Variants in PSEN1 observed in about 807,000 individuals in gnomAD.
PSEN1 encodes presenilin 1, also known as presenilin-1.
A neutral mutation model predicts 53.5 loss-of-function variants in PSEN1; 15 were observed. The observed-to-expected ratio is 0.28, with a 90% CI of 0.19 to 0.43. The LOEUF (loss-of-function observed/expected upper bound fraction) is 0.43. Ranked by LOEUF, PSEN1 falls within the 20% of genes least tolerant of loss-of-function variation. The probability of loss-of-function intolerance (pLI) is 1.00; values close to 1 mark genes in which losing one functional copy is unlikely to be tolerated. For synonymous variants in PSEN1, 208 were observed against 209.8 expected (o/e 0.99, Z 0.08); for missense variants, 387 against 571.2 (o/e 0.68, Z 3.29).
At chr14:73,192,948 G>C in intron 7 of PSEN1, 84 bp downstream of exon 7, 15 of 1,072,134 alleles carry the variant, frequency 1.4e-5, no homozygotes, top group Non-Finnish European at 1.9e-5. Flanking sequence ...TCTTGATTTA[G>C]AGAAAATGGT....
In PSEN1 at chr14:73,219,630, A is replaced by G. The variant is rs1900067909; in HGVS notation, c.*341A>G. 1 of 356,988 alleles carries G rather than the reference A, an allele frequency of 2.8e-6. No individual in the cohort carries two copies. Among genetic ancestry groups the G allele is most frequent in the African/African-American group, 2.1e-5 (1 of 47,600 alleles). The allele number at this position is 356,988 out of a possible 1,614,324, so 22.1% of individuals were successfully genotyped here. A position where few individuals can be genotyped will look rare whatever the true frequency, so the allele number is the denominator to read the frequency against. On this transcript the variant is annotated 3_prime_UTR_variant, in exon 12 of 12. Transcript: ENST00000324501. Reference sequence around the variant, plus strand: ...GTGGTCACAGGACGATTTCACTGACACTGCGAACTCTCAGGACTACCGTTA... The same window carrying G: ...GTGGTCACAGGACGATTTCACTGACGCTGCGAACTCTCAGGACTACCGTTA...
rs147690813 is a variant in PSEN1, at chr14:73,192,267, A to G, written c.549-377A>G. ...AACCTGGGCAACATGTTGAAACCCT[A>G]TCTGTACAAAAAAAATTAGAAAAAT... On this transcript the variant is annotated intron_variant, in intron 6 of 11. Transcript: ENST00000324501. Among the ~76,000 whole-genome samples, 478 of 152,032 alleles carry G rather than the reference A, an allele frequency of 3.1e-3. 2 individuals carry two copies. The highest frequency in any genetic ancestry group is 8.7e-3 in the African/African-American group (362 of 41,452).
intron 1 of PSEN1, among the ~76,000 whole-genome samples, chr14:73,140,360 G>A (rs1896890027): frequency 6.6e-6 from 1 of 151,772 alleles, no homozygotes; most frequent in African/African-American, 2.4e-5. Context: ...ACAGGCGTGT[G>A]CCACCACACT....
rs1900137204 is a variant in PSEN1 at position 73,222,520 on chromosome 14, T to C, written c.*3231T>C. On this transcript the variant is annotated 3_prime_UTR_variant, in exon 12 of 12. Transcript: ENST00000324501. ...CCTTTGATCCCAACCCCCAAGGCTT[T>C]GTATATTTGATCATTTGTGATCTAA... 6.6e-6 allele frequency: 1 copy of C among 152,206 alleles called. No individual in the cohort carries two copies. Among genetic ancestry groups the C allele is most frequent in the African/African-American group, 2.4e-5 (1 of 41,434 alleles). 9.4% of individuals were successfully genotyped at this position (152,206 alleles called of 1,614,324 possible).
intron 6 of PSEN1, among the ~76,000 whole-genome samples, chr14:73,191,824 A>C (rs2140091435): frequency 6.6e-6 from 1 of 152,320 alleles, no homozygotes; most frequent in African/African-American, 2.4e-5. Context: ...CTGGGATTAG[A>C]GTGTGAGCCA....
At chr14:73,160,171 T>C (rs773094162) in intron 3 of PSEN1, 1 of 165,418 alleles carries the variant, frequency 6.0e-6, no homozygotes, top group Non-Finnish European at 1.4e-5. Context: ...TCTCTTTTAG[T>C]GACTTGCTTA....
At chr14:73,159,052 T>TTTTAATGGA (rs1326121309) in intron 3 of PSEN1, among the ~76,000 whole-genome samples, 56 of 152,366 alleles carry the variant, frequency 3.7e-4, no homozygotes, top group African/African-American at 1.3e-3. Flanking sequence ...AAAAATTGCT[T>TTTTAATGGA]TCTTAATGGA....
intron 6 of PSEN1, among the ~76,000 whole-genome samples, chr14:73,192,142 AAAGTG>A (rs1389586155): frequency 6.6e-6 from 1 of 152,132 alleles, no homozygotes; most frequent in Non-Finnish European, 1.5e-5. Flanking sequence ...TTGAGGGAAA[AAAGTG>A]AATTAATTGG....
At chr14:73,147,759 A>G in intron 1 of PSEN1, 36 bp from the exon 2 acceptor site, 1 of 486,342 alleles carries the variant, frequency 2.1e-6, no homozygotes, top group South Asian at 2.1e-5. Flanking sequence ...CTAGGATTTA[A>G]CTAACAATGG....
intron 11 of PSEN1, among the ~76,000 whole-genome samples, chr14:73,218,724 GC>G (rs1040194942): frequency 8.1e-5 from 12 of 148,558 alleles, no homozygotes; most frequent in Non-Finnish European, 1.8e-4. Context: ...CATAGAGAAT[GC>G]CCCCGCACAG....
intron 5 of PSEN1, among the ~76,000 whole-genome samples, chr14:73,177,003 T>G (rs544807309): frequency 6.7e-6 from 1 of 150,188 alleles, no homozygotes; most frequent in Non-Finnish European, 1.5e-5. Flanking sequence ...CTGACCTTTT[T>G]GAACCTAATT....
chr14:73,192,570 C>T lies in PSEN1; in HGVS notation c.549-74C>T, dbSNP rs1566641879. ...ATATTAATATCTAATGTTTGGGAGC[C>T]ATCACATTATTCTAAATAATGTTTT... On this transcript the variant is annotated intron_variant, in intron 6 of 11. Transcript: ENST00000324501. 8 of 1,022,184 alleles carry T rather than the reference C, an allele frequency of 7.8e-6. No homozygotes were observed. The South Asian group carries it at 1.0e-4, about 13-fold the overall frequency. 63.3% of individuals were successfully genotyped at this position (1,022,184 alleles called of 1,614,324 possible).
chr14:73,219,262 A>AT lies in PSEN1; in HGVS notation c.1379dup (p.Leu460PhefsTer33), dbSNP rs1566657923. 1 of 1,613,770 alleles carries AT rather than the reference A, an allele frequency of 6.2e-7. No individual in the cohort carries two copies. On this transcript the variant is annotated frameshift_variant, in exon 12 of 12. Coordinates refer to ENST00000324501, the MANE Select transcript of PSEN1 (RefSeq NM_000021.4). LOFTEE classifies it high-confidence loss of function. ...ATCTTGTACAGCCTTTTATGGACCA[A>AT]TTAGCATTCCATCAATTTTATATCT...
intron 3 of PSEN1, among the ~76,000 whole-genome samples, chr14:73,163,678 A>G (rs1218292648): frequency 6.6e-6 from 1 of 152,186 alleles, no homozygotes; most frequent in Admixed American, 6.5e-5. Flanking sequence ...TTCTCTCTCT[A>G]CCAGGAGGGA....
At chr14:73,139,586 A>T (rs1296909523) in intron 1 of PSEN1, among the ~76,000 whole-genome samples, 1 of 152,190 alleles carries the variant, frequency 6.6e-6, no homozygotes, top group Non-Finnish European at 1.5e-5. Flanking sequence ...TAAGAAAAAA[A>T]GAAAAAAAAG....
chr14:73,140,202 C>CTTTTTT (rs35223948), intron 1 of PSEN1, among the ~76,000 whole-genome samples: 1 of 73,044 alleles, frequency 1.4e-5, no homozygotes, highest in Non-Finnish European at 2.5e-5. Flanking sequence ...TTTTGCTATT[C>CTTTTTT]TTTTTTTTTT....
Position 73,170,511 on chromosome 14 carries a change from C to G in PSEN1, c.88-286C>G, listed in dbSNP as rs147502524. On this transcript the variant is annotated intron_variant, in intron 3 of 11. Transcript: ENST00000324501. ...AGTAAACAAGTTTTCATGCAGGTGT[C>G]AGTATTTAAGGTACATCTCAAAGGA... Among the ~76,000 whole-genome samples the G allele has an allele frequency of 4.5e-3, 680 of 152,256 alleles. 3 individuals are homozygous for G. Among genetic ancestry groups the G allele is most frequent in the Middle Eastern group, 0.01 (3 of 294 alleles).
chr14:73,188,376 G>A lies in PSEN1; in HGVS notation c.548+1456G>A, dbSNP rs545131607. On this transcript the variant is annotated intron_variant, in intron 6 of 11. Transcript: ENST00000324501. ...GATTCCTTAATAAATAGACGGGGTC[G>A]GGTGTGGTGGCTCATGTTTATAATC... 5.4e-4 allele frequency among the ~76,000 whole-genome samples: 82 copies of A among 152,276 alleles called. 1 individual carries two copies. Among genetic ancestry groups the A allele is most frequent in the Admixed American group, 5.9e-4 (9 of 15,290 alleles).
At chr14:73,201,079 G>A (rs56008848) in intron 8 of PSEN1, among the ~76,000 whole-genome samples, 22,494 of 120,436 alleles carry the variant, frequency 0.19, 1,863 homozygotes, top group South Asian at 0.27. Context: ...ATATCTTTTT[G>A]TTTGTTTGTT....
Sources: allele counts gnomAD v4.1 joint callset (sites outside exome capture counted in the v4.1 genomes callset), GRCh38; gene constraint gnomAD v4.1.1; transcripts MANE v1.5; gene names NCBI Gene and HGNC (gene_info 2026-07-23, HGNC 2026-07-21).